Variants in GLI2 observed in about 807,000 individuals in gnomAD.
GLI2 encodes the protein transcription activator GLI2.
GLI2 carries 22 observed loss-of-function variants against 78.9 expected under a neutral mutation model. The observed-to-expected ratio is 0.28, with a 90% CI of 0.20 to 0.40. The LOEUF is 0.40. GLI2 is among the 10% of genes least tolerant of loss of function. The pLI, the probability that GLI2 is intolerant of heterozygous loss-of-function variation, is 1.00. For synonymous variants in GLI2, 974 were observed against 963.7 expected (o/e 1.01, Z -0.20); for missense variants, 2,097 against 2,213.2 (o/e 0.95, Z 1.05).
intron 1 of GLI2, among the ~76,000 whole-genome samples, chr2:120,785,120 C>T (rs967675093): frequency 6.6e-5 from 10 of 152,140 alleles, no homozygotes; most frequent in South Asian, 2.1e-4. Context: ...TTATTGGATC[C>T]GGGTCCCAGA....
At chr2:120,747,456 G>A (rs967882095) in intron 1 of GLI2, among the ~76,000 whole-genome samples, 1 of 152,214 alleles carries the variant, frequency 6.6e-6, no homozygotes, top group East Asian at 1.9e-4. Flanking sequence ...CTCTCCCAGA[G>A]TTGGCTCCTG....
At chr2:120,761,355 A>C (rs1011613648) in intron 1 of GLI2, among the ~76,000 whole-genome samples, 1 of 152,086 alleles carries the variant, frequency 6.6e-6, no homozygotes, top group Non-Finnish European at 1.5e-5. Context: ...GAGACCAAGG[A>C]TTCCCACCGC....
intron 2 of GLI2, among the ~76,000 whole-genome samples, chr2:120,912,993 A>G (rs1678908006): frequency 6.6e-6 from 1 of 152,102 alleles, no homozygotes; most frequent in Non-Finnish European, 1.5e-5. Context: ...TGTGAGTTAA[A>G]TGAATGGAAG....
chr2:120,881,382 G>A (rs964036375), intron 2 of GLI2, among the ~76,000 whole-genome samples: 1 of 151,758 alleles, frequency 6.6e-6, no homozygotes, highest in Non-Finnish European at 1.5e-5. Flanking sequence ...GAGGACAGTG[G>A]GGAGAGGGCA....
At chr2:120,929,976 T>C (rs1398270484) in intron 3 of GLI2, among the ~76,000 whole-genome samples, 2 of 152,090 alleles carry the variant, frequency 1.3e-5, no homozygotes, top group Non-Finnish European at 2.9e-5. Context: ...TGGGAGGGGG[T>C]TGCTGTTGCT....
intron 2 of GLI2, among the ~76,000 whole-genome samples, chr2:120,890,893 G>T (rs914008363): frequency 6.6e-6 from 1 of 152,200 alleles, no homozygotes; most frequent in African/African-American, 2.4e-5. Flanking sequence ...AGGTAGTGGG[G>T]AGGAGAGAGG....
intron 2 of GLI2, among the ~76,000 whole-genome samples, chr2:120,817,864 G>A (rs943123497): frequency 6.6e-6 from 1 of 152,086 alleles, no homozygotes; most frequent in South Asian, 2.1e-4. Context: ...TAAGAGACCC[G>A]GCCGGCCTGA....
At chr2:120,917,986 A>T (rs1487713108) in intron 2 of GLI2, among the ~76,000 whole-genome samples, 6 of 152,154 alleles carry the variant, frequency 3.9e-5, no homozygotes, top group Non-Finnish European at 8.8e-5. Flanking sequence ...GCCAGCAGGG[A>T]TTAATTTATA....
chr2:120,941,256 C>T (rs937456505), intron 3 of GLI2, among the ~76,000 whole-genome samples: 3 of 152,182 alleles, frequency 2.0e-5, no homozygotes, highest in African/African-American at 7.2e-5. Flanking sequence ...CTGTATGGCT[C>T]TTAAAAAATG....
rs1269040894 is a variant in GLI2 at position 120,800,086 on chromosome 2, T to C, written c.148+2618T>C. Reference sequence around the variant, plus strand: ...GGCCAGAAGCGTTTGCTGCAGCCACTGAGGAGTTGGGCACTCAGCCATCAG... The same window carrying C: ...GGCCAGAAGCGTTTGCTGCAGCCACCGAGGAGTTGGGCACTCAGCCATCAG... On this transcript the variant is annotated intron_variant, in intron 2 of 13. Transcript: ENST00000361492. The surrounding 1 kb of genome is among the most constrained non-coding windows in gnomAD (Gnocchi z 4.1). 6.6e-6 allele frequency among the ~76,000 whole-genome samples: 1 copy of C among 152,070 alleles called. No individual in the cohort carries two copies. The highest frequency in any genetic ancestry group is 1.5e-5 in the Non-Finnish European group (1 of 68,006).
At chr2:120,895,067 A>AGG (rs1464684732) in intron 2 of GLI2, among the ~76,000 whole-genome samples, 1 of 142,336 alleles carries the variant, frequency 7.0e-6, no homozygotes, top group African/African-American at 2.5e-5. Context: ...AGGGGAGGGG[A>AGG]GGGGCTCCCC....
At chr2:120,921,964 G>C (rs1679399777) in intron 2 of GLI2, among the ~76,000 whole-genome samples, 1 of 152,186 alleles carries the variant, frequency 6.6e-6, no homozygotes, top group South Asian at 2.1e-4. Context: ...CAAAGAGGCT[G>C]ACTTACCTCC....
At chr2:120,857,433 C>T in intron 2 of GLI2, among the ~76,000 whole-genome samples, 1 of 122,466 alleles carries the variant, frequency 8.2e-6, no homozygotes, top group Non-Finnish European at 1.7e-5. Context: ...ACCCACCCAC[C>T]TACCTACCCA....
At chr2:120,847,082 T>A (rs1687152986) in intron 2 of GLI2, among the ~76,000 whole-genome samples, 1 of 151,816 alleles carries the variant, frequency 6.6e-6, no homozygotes, top group Admixed American at 6.6e-5. Flanking sequence ...GGGCTCTGCG[T>A]CTGAAACAAG....
At chr2:120,775,946 C>T (rs1390846723) in intron 1 of GLI2, among the ~76,000 whole-genome samples, 3 of 152,372 alleles carry the variant, frequency 2.0e-5, no homozygotes, top group Non-Finnish European at 1.5e-5. Flanking sequence ...GGCCCTGGAC[C>T]CCAGGCCTCC....
Position 120,991,217 on chromosome 2 carries a change from A to G in GLI2, c.*542A>G, listed in dbSNP as rs543505250. ...ACCTTGTCATAGAGGAAAAGCACAGATTATACCTGGATGATTCAGGAGCAC... is the reference window on the plus strand; with the variant it reads ...ACCTTGTCATAGAGGAAAAGCACAGGTTATACCTGGATGATTCAGGAGCAC... On this transcript the variant is annotated 3_prime_UTR_variant, in exon 14 of 14. Transcript: ENST00000361492. 3 of 155,334 alleles carry G rather than the reference A, an allele frequency of 1.9e-5. No individual in the cohort carries two copies. Among genetic ancestry groups the G allele is most frequent in the South Asian group, 2.0e-4 (1 of 5,004 alleles). The allele number at this position is 155,334 out of a possible 1,614,324, so 9.6% of individuals were successfully genotyped here.
chr2:120,797,670 T>C (rs1573390161), intron 2 of GLI2, among the ~76,000 whole-genome samples: 1 of 148,102 alleles, frequency 6.8e-6, no homozygotes, highest in Admixed American at 6.8e-5. Flanking sequence ...CCACCCCAAG[T>C]CCAGGGGGCT....
chr2:120,786,607 A>G (rs1684003965), intron 1 of GLI2, among the ~76,000 whole-genome samples: 2 of 152,218 alleles, frequency 1.3e-5, no homozygotes, highest in Non-Finnish European at 2.9e-5. Context: ...TACCCAGTTA[A>G]TATGTATAGG....
intron 2 of GLI2, among the ~76,000 whole-genome samples, chr2:120,827,257 C>G (rs1686116055): frequency 6.6e-6 from 1 of 152,192 alleles, no homozygotes; most frequent in Non-Finnish European, 1.5e-5. Flanking sequence ...ATGCTTCTTG[C>G]TAAGTGGTGA....
Sources: allele counts gnomAD v4.1 joint callset (sites outside exome capture counted in the v4.1 genomes callset), GRCh38; gene constraint gnomAD v4.1.1; non-coding constraint Gnocchi (gnomAD v3.1); transcripts MANE v1.5; gene names NCBI Gene and HGNC (gene_info 2026-07-23, HGNC 2026-07-21).